Variants in CBL observed in about 807,000 individuals in gnomAD.
CBL encodes Cbl proto-oncogene.
CBL carries 45 observed loss-of-function variants against 96.9 expected under a neutral mutation model. That is an observed-to-expected ratio of 0.46 (90% CI 0.37 to 0.60). The LOEUF (loss-of-function observed/expected upper bound fraction) is 0.60. CBL is among the 20% of genes least tolerant of loss of function. The pLI is 0.00. For synonymous variants in CBL, 420 were observed against 426.8 expected (o/e 0.98, Z 0.20); for missense variants, 1,024 against 1,143.5 (o/e 0.90, Z 1.51).
intron 1 of CBL, among the ~76,000 whole-genome samples, chr11:119,221,053 T>G (rs1949405400): frequency 1.3e-5 from 2 of 151,620 alleles, no homozygotes; most frequent in African/African-American, 4.8e-5. Context: ...GAGACCAGCT[T>G]GTTCAACATG....
chr11:119,242,729 G>A (rs1949596342), intron 2 of CBL, among the ~76,000 whole-genome samples: 1 of 134,800 alleles, frequency 7.4e-6, no homozygotes, highest in Admixed American at 7.6e-5. Flanking sequence ...ACTGAATAAG[G>A]CCCTGACTCT....
intron 2 of CBL, among the ~76,000 whole-genome samples, chr11:119,261,589 A>G (rs907200344): frequency 6.6e-6 from 1 of 152,200 alleles, no homozygotes; most frequent in South Asian, 2.1e-4. Flanking sequence ...TAAAGATTTC[A>G]GCATTATCTT....
intron 9 of CBL, among the ~76,000 whole-genome samples, chr11:119,280,009 A>G (rs757354790): frequency 8.5e-5 from 13 of 152,348 alleles, no homozygotes; most frequent in Admixed American, 7.8e-4. Flanking sequence ...TGGGTACACT[A>G]TAAGTCGGAT....
chr11:119,271,789 A>G lies in CBL; in HGVS notation c.498A>G (p.Lys166=), dbSNP rs1565870421. ...TCAGCCACATGCTGGCAGAACTAAAAGGAATCTTTCCAAGTGGACTCTTTC... is the reference window on the plus strand; with the variant it reads ...TCAGCCACATGCTGGCAGAACTAAAGGGAATCTTTCCAAGTGGACTCTTTC... ...LIFSHMLAEL[K]GIFPSGLFQG... Residue 166 remains lysine (K), a synonymous_variant, in exon 3 of 16, where the codon AAA becomes AAG. Coordinates refer to ENST00000264033, the MANE Select transcript of CBL (RefSeq NM_005188.4). The G allele has an allele frequency of 6.2e-7, 1 of 1,613,908 alleles. No homozygotes were observed. The highest frequency in any genetic ancestry group is 1.3e-5 in the African/African-American group (1 of 74,932).
At chr11:119,275,497 G>A (rs1949883239) in intron 5 of CBL, among the ~76,000 whole-genome samples, 1 of 152,076 alleles carries the variant, frequency 6.6e-6, no homozygotes, top group Non-Finnish European at 1.5e-5. Context: ...CTGGTGTGGA[G>A]TCATGGAAGA....
At chr11:119,211,229 G>A (rs1054164156) in intron 1 of CBL, among the ~76,000 whole-genome samples, 27 of 151,854 alleles carry the variant, frequency 1.8e-4, no homozygotes, top group African/African-American at 5.1e-4. Context: ...AAAATTAGCC[G>A]GGCATGGTGG....
intron 2 of CBL, among the ~76,000 whole-genome samples, chr11:119,248,736 A>G (rs1268061653): frequency 6.6e-6 from 1 of 152,236 alleles, no homozygotes; most frequent in Non-Finnish European, 1.5e-5. Flanking sequence ...TACAAGTTAT[A>G]TATTTGATAA....
At chr11:119,233,006 C>T (rs1395369334) in intron 2 of CBL, among the ~76,000 whole-genome samples, 1 of 152,046 alleles carries the variant, frequency 6.6e-6, no homozygotes, top group Non-Finnish European at 1.5e-5. Context: ...AGAAAGAAGA[C>T]TGGGGTTAAG....
intron 1 of CBL, among the ~76,000 whole-genome samples, chr11:119,225,052 G>A (rs1259688480): frequency 6.7e-6 from 1 of 148,566 alleles, no homozygotes; most frequent in Admixed American, 6.7e-5. Context: ...TCTTTGGGGT[G>A]TGTGTGTGTG....
intron 1 of CBL, among the ~76,000 whole-genome samples, chr11:119,210,628 T>A (rs975943591): frequency 2.0e-5 from 3 of 147,836 alleles, no homozygotes; most frequent in African/African-American, 7.5e-5. Flanking sequence ...TTTTTTTTTT[T>A]ACTAGAGACG....
In CBL at chr11:119,301,137, C is replaced by G. The variant is rs1360136036; in HGVS notation, c.*1356C>G. Reference sequence around the variant, plus strand: ...CTGTGGCTTTGGGAATGTAACATCTCTTTCCTCCTTTCCTTCCCTTTTCCT... The same window carrying G: ...CTGTGGCTTTGGGAATGTAACATCTGTTTCCTCCTTTCCTTCCCTTTTCCT... On this transcript the variant is annotated 3_prime_UTR_variant, in exon 16 of 16. Transcript: ENST00000264033. 3 of 233,124 alleles carry G rather than the reference C, an allele frequency of 1.3e-5. No homozygotes were observed. The highest frequency in any genetic ancestry group is 2.5e-5 in the Non-Finnish European group (3 of 118,030). The allele number at this position is 233,124 out of a possible 1,614,324, so 14.4% of individuals were successfully genotyped here. A position where few individuals can be genotyped will look rare whatever the true frequency, so the allele number is the denominator to read the frequency against.
At chr11:119,258,187 C>T (rs10892341) in intron 2 of CBL, among the ~76,000 whole-genome samples, 34,933 of 152,038 alleles carry the variant, frequency 0.23, 4,270 homozygotes, top group East Asian at 0.38. Flanking sequence ...GAGATTGCAC[C>T]ATTGCACTCC....
Position 119,302,430 on chromosome 11 carries a change from T to C in CBL, c.*2649T>C, listed in dbSNP as rs1471680834. On this transcript the variant is annotated 3_prime_UTR_variant, in exon 16 of 16. Coordinates refer to ENST00000264033, the MANE Select transcript of CBL (RefSeq NM_005188.4). ...CATTTGTATGGCAATTTAAAAGTCT[T>C]TGGCTTTGCTCTGAATTTAATTAAA... 2 of 232,942 alleles carry C rather than the reference T, an allele frequency of 8.6e-6. No individual in the cohort carries two copies. The highest frequency in any genetic ancestry group is 1.7e-5 in the Non-Finnish European group (2 of 117,882). The allele number at this position is 232,942 out of a possible 1,614,324, so 14.4% of individuals were successfully genotyped here. A position where few individuals can be genotyped will look rare whatever the true frequency, so the allele number is the denominator to read the frequency against.
At chr11:119,264,442 T>TCTTCTTTCTC (rs5795173) in intron 2 of CBL, among the ~76,000 whole-genome samples, 35 of 44,388 alleles carry the variant, frequency 7.9e-4, no homozygotes, top group African/African-American at 1.5e-3. Flanking sequence ...TCTTCTCTTC[T>TCTTCTTTCTC]TTCTCTTCTC....
intron 1 of CBL, among the ~76,000 whole-genome samples, chr11:119,209,321 T>C (rs1306947398): frequency 6.6e-6 from 1 of 152,170 alleles, no homozygotes; most frequent in African/African-American, 2.4e-5. Flanking sequence ...TTAATTCTTT[T>C]TAACAAAATT....
chr11:119,228,501 G>T (rs1949476464), intron 1 of CBL, among the ~76,000 whole-genome samples: 1 of 151,958 alleles, frequency 6.6e-6, no homozygotes, highest in South Asian at 2.1e-4. Context: ...AGCTACTTGG[G>T]AGGCTGAGCC....
chr11:119,297,254 A>T lies in CBL; in HGVS notation c.2154-130A>T, dbSNP rs140888212. ...GAGAACCTCAAAAACACATACACCT[A>T]TAACTTGCCACAAGAGTCAACTTTA... is the stretch of plus-strand genomic sequence containing the variant. On this transcript the variant is annotated intron_variant, in intron 13 of 15. Coordinates refer to ENST00000264033, the MANE Select transcript of CBL (RefSeq NM_005188.4). The T allele has an allele frequency of 0.022, 17,573 of 816,428 alleles. 253 individuals are homozygous for T. The highest frequency in any genetic ancestry group is 0.029 in the Non-Finnish European group (13,589 of 474,484). 50.6% of individuals were successfully genotyped at this position (816,428 alleles called of 1,614,324 possible). A position where few individuals can be genotyped will look rare whatever the true frequency, so the allele number is the denominator to read the frequency against.
chr11:119,293,744 A>G (rs560250502), intron 12 of CBL, among the ~76,000 whole-genome samples: 8 of 152,290 alleles, frequency 5.3e-5, no homozygotes, highest in Non-Finnish European at 1.0e-4. Flanking sequence ...TAAGTAATCT[A>G]TAAAGAAAAG....
chr11:119,256,208 T>A lies in CBL; in HGVS notation c.444-15527T>A, dbSNP rs962207386. On this transcript the variant is annotated intron_variant, in intron 2 of 15. Coordinates refer to ENST00000264033, the MANE Select transcript of CBL (RefSeq NM_005188.4). Reference sequence around the variant, plus strand: ...TTGTACATTCTTTTTTTTTTTTTTTTAAAGATGGAGTCTCGCTCTGTCGCC... The same window carrying A: ...TTGTACATTCTTTTTTTTTTTTTTTAAAAGATGGAGTCTCGCTCTGTCGCC... Among the ~76,000 whole-genome samples the A allele has an allele frequency of 4.6e-5, 7 of 150,734 alleles. No individual in the cohort carries two copies. In the South Asian group the frequency reaches 8.3e-4, roughly 18 times the overall value.
Sources: gnomAD v4.1 joint callset for allele counts (sites outside exome capture counted in the v4.1 genomes callset) on GRCh38, gnomAD v4.1.1 for gene constraint, MANE v1.5 for transcripts, NCBI Gene and HGNC (gene_info 2026-07-23, HGNC 2026-07-21) for gene names.